CDH18: variants seen among roughly 807,000 people sequenced by gnomAD.
CDH18 encodes cadherin-18.
Under a neutral mutation model 67.9 loss-of-function variants are expected in CDH18, and 31 were observed. That is an observed-to-expected ratio of 0.46 (90% CI 0.34 to 0.62). CDH18 has a LOEUF of 0.62. Among genes scored for constraint, CDH18 ranks in the 20% least tolerant of loss-of-function variants. The pLI, the probability that CDH18 is intolerant of heterozygous loss-of-function variation, is 0.01. For missense variants in CDH18, 890 were observed against 975.5 expected, an observed-to-expected ratio of 0.91 and a Z score of 1.17; for synonymous variants, 362 against 347.2, an observed-to-expected ratio of 1.04 and a Z score of -0.48.
intron 2 of CDH18, among the ~76,000 whole-genome samples, chr5:20,242,192 G>A (rs368748760): frequency 2.0e-5 from 3 of 151,604 alleles, no homozygotes; most frequent in Admixed American, 6.6e-5. Context: ...TATTTATGAG[G>A]TACAATCATA....
In CDH18 at chr5:20,233,303, G is replaced by A. The variant is rs1234502119; in HGVS notation, c.-518+22141C>T. Among the ~76,000 whole-genome samples, 9 of 151,558 alleles carry A rather than the reference G, an allele frequency of 5.9e-5. No individual in the cohort carries two copies. The East Asian group carries it at 1.7e-3, about 29-fold the overall frequency. ...AATCCATGATTATTCAGAGGTTTAT[G>A]AGTTTAACGCTTTGTATCTTACACT... is the stretch of plus-strand genomic sequence containing the variant. On this transcript the variant is annotated intron_variant, in intron 2 of 14. Coordinates refer to the CDH18 transcript ENST00000507958.
chr5:19,879,418 G>A (rs573229802), intron 2 of CDH18, among the ~76,000 whole-genome samples: 16 of 151,596 alleles, frequency 1.1e-4, no homozygotes, highest in South Asian at 2.1e-4. Context: ...TGATGAAAAG[G>A]GGAAAAAAAG....
Position 19,792,974 on chromosome 5 carries a change from T to C in CDH18, c.229-45738A>G, listed in dbSNP as rs143952467. Among the ~76,000 whole-genome samples, 821 of 152,294 alleles carry C rather than the reference T, an allele frequency of 5.4e-3. 2 individuals are homozygous for C. Among genetic ancestry groups the C allele is most frequent in the South Asian group, 0.012 (56 of 4,826 alleles). ...TCCAAATATATTACCATTGTTGTCATAGCCTTTATAGCTTGGCATTTGGGA... is the reference window on the plus strand; with the variant it reads ...TCCAAATATATTACCATTGTTGTCACAGCCTTTATAGCTTGGCATTTGGGA... On this transcript the variant is annotated intron_variant, in intron 3 of 12. Coordinates refer to ENST00000382275, the MANE Select transcript of CDH18 (RefSeq NM_004934.5).
At chr5:20,552,702 G>A in intron 1 of CDH18, among the ~76,000 whole-genome samples, 1 of 151,786 alleles carries the variant, frequency 6.6e-6, no homozygotes. Flanking sequence ...TAAAAACTTA[G>A]TCTACGTGAA....
At chr5:20,045,336 C>CA (rs1357020402) in intron 2 of CDH18, among the ~76,000 whole-genome samples, 1 of 152,092 alleles carries the variant, frequency 6.6e-6, no homozygotes, top group Non-Finnish European at 1.5e-5. Flanking sequence ...AGTTATGCCA[C>CA]ATCAGTGTTT....
intron 5 of CDH18, among the ~76,000 whole-genome samples, chr5:19,687,444 C>T (rs763292597): frequency 1.6e-4 from 25 of 152,168 alleles, no homozygotes; most frequent in African/African-American, 5.8e-4. Context: ...GTTACACCCA[C>T]TGGAATGGCA....
At chr5:20,456,461 T>C (rs1184560218) in intron 1 of CDH18, among the ~76,000 whole-genome samples, 2 of 152,124 alleles carry the variant, frequency 1.3e-5, no homozygotes, top group Non-Finnish European at 2.9e-5. Flanking sequence ...CAAACAACCC[T>C]CCACTCAAAT....
chr5:19,708,638 T>C (rs1764270572), intron 5 of CDH18, among the ~76,000 whole-genome samples: 3 of 152,172 alleles, frequency 2.0e-5, no homozygotes, highest in South Asian at 4.1e-4. Flanking sequence ...GAAAACCGCT[T>C]AAGGCGTTCC....
intron 2 of CDH18, among the ~76,000 whole-genome samples, chr5:20,148,607 G>T (rs554942696): frequency 6.6e-6 from 1 of 152,154 alleles, no homozygotes; most frequent in African/African-American, 2.4e-5. Context: ...AAAGTCCAAA[G>T]CACCATGTCT....
Position 20,303,225 on chromosome 5 carries a change from C to G in CDH18, c.-579-47720G>C, listed in dbSNP as rs184634017. Among the ~76,000 whole-genome samples the G allele has an allele frequency of 3.4e-3, 515 of 152,158 alleles. 5 individuals are homozygous for G. Among genetic ancestry groups the G allele is most frequent in the South Asian group, 0.017 (80 of 4,822 alleles). ...GAGCATCTTCTTTTTCTAGGATGGT[C>G]TCATTTGACTTTCATTTCGTAAGGG... On this transcript the variant is annotated intron_variant, in intron 1 of 14. Transcript: ENST00000507958.
chr5:19,531,216 A>G (rs1748568051), intron 9 of CDH18, among the ~76,000 whole-genome samples: 1 of 152,224 alleles, frequency 6.6e-6, no homozygotes, highest in South Asian at 2.1e-4. Flanking sequence ...AAAAAAATGA[A>G]CATCTGATTA....
chr5:20,489,370 T>C (rs1753440223), intron 1 of CDH18, among the ~76,000 whole-genome samples: 1 of 152,046 alleles, frequency 6.6e-6, no homozygotes, highest in Non-Finnish European at 1.5e-5. Context: ...GTCCCAATCA[T>C]AAGGCTAGCA....
chr5:20,058,500 A>C (rs923137042), intron 2 of CDH18, among the ~76,000 whole-genome samples: 1 of 152,138 alleles, frequency 6.6e-6, no homozygotes, highest in African/African-American at 2.4e-5. Context: ...ATTGAGCCTT[A>C]CTTGATATAA....
chr5:19,894,724 T>G (rs1276011228), intron 2 of CDH18, among the ~76,000 whole-genome samples: 6 of 152,138 alleles, frequency 3.9e-5, no homozygotes, highest in Non-Finnish European at 5.9e-5. Flanking sequence ...TAGCTGTTTG[T>G]ACAAGCATTT....
chr5:20,183,355 AT>A (rs1232108612), intron 2 of CDH18, among the ~76,000 whole-genome samples: 1 of 152,098 alleles, frequency 6.6e-6, no homozygotes, highest in African/African-American at 2.4e-5. Context: ...ATTTACCAGA[AT>A]AATGGGCTAT....
At chr5:19,830,748 C>T (rs752548266) in intron 3 of CDH18, among the ~76,000 whole-genome samples, 1 of 152,108 alleles carries the variant, frequency 6.6e-6, no homozygotes, top group Non-Finnish European at 1.5e-5. Context: ...ATGTTTGTCA[C>T]TGCACCATTA....
intron 2 of CDH18, 101 bp from the exon 3 acceptor site, chr5:19,839,343 A>G (rs538831361): frequency 4.3e-6 from 1 of 231,070 alleles, no homozygotes; most frequent in Admixed American, 5.1e-5. Flanking sequence ...ACTGATAGGC[A>G]AAGAACATAT....
At chr5:20,371,349 A>G (rs192312703) in intron 1 of CDH18, among the ~76,000 whole-genome samples, 2 of 152,302 alleles carry the variant, frequency 1.3e-5, no homozygotes, top group African/African-American at 4.8e-5. Flanking sequence ...TTTTCCTTGT[A>G]GAGATGTCAA....
chr5:19,494,682 C>G (rs1440855639), intron 11 of CDH18, among the ~76,000 whole-genome samples: 1 of 152,206 alleles, frequency 6.6e-6, no homozygotes, highest in Admixed American at 6.5e-5. Context: ...GCCATGTCCT[C>G]TGATCTTTCT....
Sources: allele counts gnomAD v4.1 joint callset (sites outside exome capture counted in the v4.1 genomes callset), GRCh38; gene constraint gnomAD v4.1.1; transcripts MANE v1.5; gene names NCBI Gene and HGNC (gene_info 2026-07-23, HGNC 2026-07-21).